Variants in CLYBL observed in about 807,000 individuals in gnomAD.
CLYBL encodes citramalyl-CoA lyase, mitochondrial.
A neutral mutation model predicts 38.9 loss-of-function variants in CLYBL; 31 were observed. The ratio of observed to expected loss-of-function variants is 0.80; its 90% confidence interval spans 0.60 to 1.08. CLYBL has a LOEUF of 1.08. Ranked by LOEUF, CLYBL falls within the 50% of genes least tolerant of loss-of-function variation. The pLI is 0.00. For missense variants in CLYBL, 434 were observed against 411.6 expected (o/e 1.05, Z -0.47); for synonymous variants, 171 against 158.6 (o/e 1.08, Z -0.59).
chr13:99,766,027 T>C (rs1223223488), intron 1 of CLYBL, among the ~76,000 whole-genome samples: 1 of 151,902 alleles, frequency 6.6e-6, no homozygotes, highest in South Asian at 2.1e-4. Flanking sequence ...AGTGTTTTTA[T>C]TTTTTGTAGA....
At chr13:99,761,798 G>C (rs868057023) in intron 1 of CLYBL, among the ~76,000 whole-genome samples, 1 of 152,098 alleles carries the variant, frequency 6.6e-6, no homozygotes, top group Non-Finnish European at 1.5e-5. Context: ...AGTGTACAAG[G>C]GTTCCCTTTT....
chr13:99,784,428 T>C (rs1233287799), intron 2 of CLYBL, among the ~76,000 whole-genome samples: 3 of 148,270 alleles, frequency 2.0e-5, no homozygotes, highest in Non-Finnish European at 4.5e-5. Flanking sequence ...TTGTTATTCC[T>C]CTGCTTCTGG....
At chr13:99,647,137 T>C (rs773862853) in intron 1 of CLYBL, among the ~76,000 whole-genome samples, 3 of 152,226 alleles carry the variant, frequency 2.0e-5, no homozygotes, top group Non-Finnish European at 4.4e-5. Flanking sequence ...GGGTGGCCAG[T>C]GTTTGAAAGG....
intron 1 of CLYBL, among the ~76,000 whole-genome samples, chr13:99,731,719 G>A (rs1254101869): frequency 6.6e-6 from 1 of 152,168 alleles, no homozygotes; most frequent in Admixed American, 6.5e-5. Context: ...CATGGACAGT[G>A]GACCCCTGGA....
rs71689410 is a variant in CLYBL at position 99,716,395 on chromosome 13, C to CTTT, written c.63-56417_63-56415dup. Among the ~76,000 whole-genome samples, 26 of 135,270 alleles carry CTTT rather than the reference C, an allele frequency of 1.9e-4. No individual in the cohort carries two copies. The South Asian group carries it at 5.0e-3, about 26-fold the overall frequency. 88.7% of individuals were successfully genotyped at this position (135,270 alleles called of 152,430 possible). Reference sequence around the variant, plus strand: ...CCTATATTTTTCTTTCTTTTCTTTTCTTTTTTTTTTTTTTAATAGAGTCTG... The same window carrying CTTT: ...CCTATATTTTTCTTTCTTTTCTTTTCTTTTTTTTTTTTTTTTTAATAGAGTCTG... On this transcript the variant is annotated intron_variant, in intron 1 of 8. Coordinates refer to ENST00000339105, the MANE Select transcript of CLYBL (RefSeq NM_206808.5).
At chr13:99,786,568 G>C (rs1223310570) in intron 2 of CLYBL, among the ~76,000 whole-genome samples, 2 of 152,220 alleles carry the variant, frequency 1.3e-5, no homozygotes, top group South Asian at 4.2e-4. Flanking sequence ...AGTATTCCAT[G>C]GTGTATATGT....
rs181463806 is a variant in CLYBL, at chr13:99,888,712, G to A, written c.928-2606G>A. On this transcript the variant is annotated intron_variant, in intron 7 of 8. Coordinates refer to ENST00000339105, the MANE Select transcript of CLYBL (RefSeq NM_206808.5). ...TGCAGTGAGCCGAGGTAACACCACTGCACTCCAGCCTGAGCAACAGAGCGA... is the reference window on the plus strand; with the variant it reads ...TGCAGTGAGCCGAGGTAACACCACTACACTCCAGCCTGAGCAACAGAGCGA... Among the ~76,000 whole-genome samples, 186 of 152,244 alleles carry A rather than the reference G, an allele frequency of 1.2e-3. 1 individual carries two copies. Among genetic ancestry groups the A allele is most frequent in the African/African-American group, 4.4e-3 (181 of 41,542 alleles).
At chr13:99,711,873 G>A (rs560463443) in intron 1 of CLYBL, among the ~76,000 whole-genome samples, 2 of 151,552 alleles carry the variant, frequency 1.3e-5, no homozygotes, top group South Asian at 2.1e-4. Context: ...CCACCATCAC[G>A]CCCGGCTAAT....
At chr13:99,690,048 C>T (rs1247382360) in intron 1 of CLYBL, 1 of 152,210 alleles carries the variant, frequency 6.6e-6, no homozygotes, top group African/African-American at 2.4e-5. Context: ...TACATGTGGC[C>T]TAAATGCTAT....
At chr13:99,790,636 C>T (rs1260000556) in intron 2 of CLYBL, among the ~76,000 whole-genome samples, 1 of 152,182 alleles carries the variant, frequency 6.6e-6, no homozygotes, top group East Asian at 1.9e-4. Context: ...ATACCCACTT[C>T]ATGACTAATT....
chr13:99,686,153 G>C (rs1284031231), intron 1 of CLYBL, among the ~76,000 whole-genome samples: 2 of 152,130 alleles, frequency 1.3e-5, no homozygotes, highest in African/African-American at 4.8e-5. Flanking sequence ...GTGTGGAGCT[G>C]TTTCAGGGAC....
chr13:99,865,601 A>ACACTT lies in CLYBL; in HGVS notation c.635-637_635-633dup, dbSNP rs551293165. Among the ~76,000 whole-genome samples, 262 of 152,310 alleles carry ACACTT rather than the reference A, an allele frequency of 1.7e-3. 4 individuals are homozygous for ACACTT. Among genetic ancestry groups the ACACTT allele is most frequent in the Admixed American group, 0.014 (215 of 15,310 alleles). ...TGGCATGTTCCAAATGTAAACAGGG[A>ACACTT]CACTTCCCTCCCCTCAGGGTGAAAA... On this transcript the variant is annotated intron_variant, in intron 5 of 8. Transcript: ENST00000339105. The surrounding 1 kb of genome is among the most constrained non-coding windows in gnomAD (Gnocchi z 4.7).
At chr13:99,829,468 G>A (rs1260744297) in intron 2 of CLYBL, among the ~76,000 whole-genome samples, 2 of 152,126 alleles carry the variant, frequency 1.3e-5, no homozygotes, top group Non-Finnish European at 2.9e-5. Context: ...GCTAGTTGGT[G>A]GCTTTACTCT....
chr13:99,860,800 C>T (rs2051581757), intron 3 of CLYBL, among the ~76,000 whole-genome samples: 1 of 152,226 alleles, frequency 6.6e-6, no homozygotes, highest in Non-Finnish European at 1.5e-5. Context: ...AAACCCAGAG[C>T]CTGATGCACA....
intron 2 of CLYBL, among the ~76,000 whole-genome samples, chr13:99,817,665 AAAAAAAAAG>A (rs2050484217): frequency 2.0e-5 from 3 of 150,056 alleles, no homozygotes; most frequent in East Asian, 2.0e-4. Context: ...AAAAAAAAAA[AAAAAAAAAG>A]AAAAGAAAAA....
intron 7 of CLYBL, among the ~76,000 whole-genome samples, chr13:99,875,470 C>CA (rs2052014941): frequency 6.6e-6 from 1 of 152,354 alleles, no homozygotes; most frequent in Non-Finnish European, 1.5e-5. Flanking sequence ...GCTGCTCGCA[C>CA]ACCTTTCATT....
intron 7 of CLYBL, among the ~76,000 whole-genome samples, chr13:99,880,841 G>A (rs775899243): frequency 3.9e-4 from 59 of 152,340 alleles, no homozygotes; most frequent in Non-Finnish European, 7.1e-4. Context: ...AGGGACGGGA[G>A]GGATAAAGAG....
At chr13:99,752,826 C>A (rs1778760108) in intron 1 of CLYBL, among the ~76,000 whole-genome samples, 2 of 152,206 alleles carry the variant, frequency 1.3e-5, no homozygotes, top group Middle Eastern at 3.4e-3. Context: ...ACCGTGGGGT[C>A]TCTGCCTCCA....
intron 7 of CLYBL, among the ~76,000 whole-genome samples, chr13:99,881,570 G>A (rs944041688): frequency 9.2e-5 from 14 of 151,564 alleles, no homozygotes; most frequent in Non-Finnish European, 1.8e-4. Flanking sequence ...CCACAGGTGC[G>A]TGTCACCACA....
Sources: gnomAD v4.1 joint callset for allele counts (sites outside exome capture counted in the v4.1 genomes callset) on GRCh38, gnomAD v4.1.1 for gene constraint, Gnocchi (gnomAD v3.1) non-coding constraint, MANE v1.5 for transcripts, NCBI Gene and HGNC (gene_info 2026-07-23, HGNC 2026-07-21) for gene names.